Variants in HECW2 observed in about 807,000 individuals in gnomAD.
The protein encoded by HECW2 is HECT, C2 and WW domain containing E3 ubiquitin protein ligase 2, also known as E3 ubiquitin-protein ligase HECW2.
HECW2 carries 61 observed loss-of-function variants against 175.2 expected under a neutral mutation model. That is an observed-to-expected ratio of 0.35 (90% CI 0.28 to 0.43). The LOEUF (loss-of-function observed/expected upper bound fraction) is 0.43, where lower values mean the gene tolerates loss of function less well. Among genes scored for constraint, HECW2 ranks in the 20% least tolerant of loss-of-function variants. HECW2 has a pLI of 1.00. For synonymous variants in HECW2, 671 were observed against 731.0 expected, an observed-to-expected ratio of 0.92 and a Z score of 1.32; for missense variants, 1,524 against 2,000.5, an observed-to-expected ratio of 0.76 and a Z score of 4.54.
In HECW2 at chr2:196,564,558, A is replaced by G. The variant is rs559016062; in HGVS notation, c.-36+28950T>C. Among the ~76,000 whole-genome samples, 19 of 152,314 alleles carry G rather than the reference A, an allele frequency of 1.2e-4. No individual in the cohort carries two copies. The South Asian group carries it at 3.9e-3, about 32-fold the overall frequency. Reference sequence around the variant, plus strand: ...ATATATCACATACATAGAGAATCAAATGTGACAGAATGCAACAGATGGATC... The same window carrying G: ...ATATATCACATACATAGAGAATCAAGTGTGACAGAATGCAACAGATGGATC... On this transcript the variant is annotated intron_variant, in intron 1 of 28. Transcript: ENST00000644978.
chr2:196,411,494 A>C (rs1408793633), intron 2 of HECW2, among the ~76,000 whole-genome samples: 1 of 152,268 alleles, frequency 6.6e-6, no homozygotes, highest in Non-Finnish European at 1.5e-5. Context: ...TGTGCAAAGG[A>C]GGATGGCTCT....
chr2:196,584,867 T>TC (rs1238371661), intron 1 of HECW2, among the ~76,000 whole-genome samples: 2 of 152,224 alleles, frequency 1.3e-5, no homozygotes, highest in East Asian at 3.8e-4. Flanking sequence ...TTAATGTACT[T>TC]CCAACTAGGT....
At chr2:196,506,599 G>T (rs547956883) in intron 1 of HECW2, among the ~76,000 whole-genome samples, 187 of 151,710 alleles carry the variant, frequency 1.2e-3, no homozygotes, top group African/African-American at 4.3e-3. Context: ...CAGTCATTCA[G>T]GTACCACCTT....
At chr2:196,292,326 G>A (rs1435221798) in intron 14 of HECW2, 1 of 441,780 alleles carries the variant, frequency 2.3e-6, no homozygotes, top group Non-Finnish European at 4.1e-6. Context: ...AGTTTCCAGG[G>A]AGAAGTGAAT....
intron 2 of HECW2, among the ~76,000 whole-genome samples, chr2:196,391,579 C>T (rs914852951): frequency 1.3e-5 from 2 of 152,148 alleles, no homozygotes; most frequent in African/African-American, 4.8e-5. Context: ...AGTTTTTCTA[C>T]TTTTCAAAGT....
chr2:196,589,969 T>C (rs1362689298), intron 1 of HECW2, among the ~76,000 whole-genome samples: 1 of 152,268 alleles, frequency 6.6e-6, no homozygotes, highest in Admixed American at 6.5e-5. Context: ...AATTATCTCA[T>C]TCTCCTATCT....
chr2:196,475,187 C>T (rs959409276), intron 1 of HECW2, among the ~76,000 whole-genome samples: 2 of 152,252 alleles, frequency 1.3e-5, no homozygotes, highest in East Asian at 3.9e-4. Context: ...TAGAGTTGAA[C>T]AGTTCTCCCT....
chr2:196,507,893 G>A (rs1367925677), intron 1 of HECW2, among the ~76,000 whole-genome samples: 1 of 152,200 alleles, frequency 6.6e-6, no homozygotes, highest in African/African-American at 2.4e-5. Flanking sequence ...TGGTTTAAGA[G>A]CAGTCCACCA....
chr2:196,234,691 T>C (rs1688177262), intron 21 of HECW2, among the ~76,000 whole-genome samples: 2 of 151,566 alleles, frequency 1.3e-5, no homozygotes, highest in Non-Finnish European at 2.9e-5. Flanking sequence ...ATAATAGAGC[T>C]GGAAAATACG....
chr2:196,272,843 A>C (rs1689789446), intron 16 of HECW2, among the ~76,000 whole-genome samples: 1 of 152,080 alleles, frequency 6.6e-6, no homozygotes, highest in African/African-American at 2.4e-5. Context: ...ACAATTTTAT[A>C]GTGCTTTAAA....
At chr2:196,526,990 C>T (rs955051542) in intron 1 of HECW2, among the ~76,000 whole-genome samples, 35 of 152,222 alleles carry the variant, frequency 2.3e-4, no homozygotes, top group African/African-American at 7.2e-4. Context: ...CCTCCTTGAG[C>T]TGTGGTGGGC....
At chr2:196,557,526 C>T (rs1205251867) in intron 1 of HECW2, among the ~76,000 whole-genome samples, 1 of 152,062 alleles carries the variant, frequency 6.6e-6, no homozygotes, top group Non-Finnish European at 1.5e-5. Context: ...AAAGTGTATA[C>T]AGCTTTTAAT....
chr2:196,441,622 A>C (rs1696047251), intron 1 of HECW2, among the ~76,000 whole-genome samples: 1 of 151,998 alleles, frequency 6.6e-6, no homozygotes, highest in South Asian at 2.1e-4. Flanking sequence ...TCTTCCACCA[A>C]AGCTCCCCCT....
chr2:196,433,031 C>T (rs1183233887), intron 2 of HECW2, 101 bp downstream of exon 2: 3 of 1,049,160 alleles, frequency 2.9e-6, no homozygotes, highest in South Asian at 3.2e-5. Flanking sequence ...TGTATATGTG[C>T]ATGTGAATTT....
intron 2 of HECW2, among the ~76,000 whole-genome samples, chr2:196,344,319 T>TAAAA (rs1692871416): frequency 6.7e-5 from 1 of 14,854 alleles, no homozygotes; most frequent in African/African-American, 2.5e-4. Flanking sequence ...TGAGACAAGA[T>TAAAA]AAGAAAAAAA....
At chr2:196,392,621 A>G (rs1277222403) in intron 2 of HECW2, among the ~76,000 whole-genome samples, 2 of 152,162 alleles carry the variant, frequency 1.3e-5, no homozygotes, top group Non-Finnish European at 1.5e-5. Context: ...ATTCTCCTTA[A>G]CAAAATATAA....
intron 1 of HECW2, among the ~76,000 whole-genome samples, chr2:196,523,686 G>A (rs1481848690): frequency 6.6e-6 from 1 of 151,310 alleles, no homozygotes; most frequent in Non-Finnish European, 1.5e-5. Context: ...TTAGCATGAA[G>A]GGTTGTTGAA....
chr2:196,321,809 CTT>C (rs1406669413), intron 7 of HECW2, among the ~76,000 whole-genome samples: 2 of 152,188 alleles, frequency 1.3e-5, no homozygotes, highest in African/African-American at 4.8e-5. Context: ...TCTATCTACT[CTT>C]TGCTCCACTG....
At chr2:196,307,790 G>T in intron 11 of HECW2, 145 bp downstream of exon 11, 1 of 669,528 alleles carries the variant, frequency 1.5e-6, no homozygotes, top group Non-Finnish European at 2.3e-6. Context: ...TCCAATTGAA[G>T]TCTGGGAATC....
Sources: allele counts gnomAD v4.1 joint callset (sites outside exome capture counted in the v4.1 genomes callset), GRCh38; gene constraint gnomAD v4.1.1; transcripts MANE v1.5; gene names NCBI Gene and HGNC (gene_info 2026-07-23, HGNC 2026-07-21).